The following PPP1R9A variants were observed in gnomAD, a reference collection of about 807,000 sequenced individuals.
The protein encoded by PPP1R9A is protein phosphatase 1 regulatory subunit 9A, also known as neurabin-1.
In PPP1R9A, 59 loss-of-function variants were observed where a neutral mutation model predicts 141.9. That is an observed-to-expected ratio of 0.42 (90% confidence interval 0.34 to 0.52). The LOEUF (loss-of-function observed/expected upper bound fraction) is 0.52. Ranked by LOEUF, PPP1R9A falls within the 20% of genes least tolerant of loss-of-function variation. The pLI is 0.10. For missense variants in PPP1R9A, 1,444 were observed against 1,611.9 expected, an observed-to-expected ratio of 0.90 and a Z score of 1.78; for synonymous variants, 500 against 569.7, an observed-to-expected ratio of 0.88 and a Z score of 1.74.
intron 2 of PPP1R9A, among the ~76,000 whole-genome samples, chr7:94,954,848 T>C (rs940876426): frequency 3.1e-4 from 47 of 150,980 alleles, no homozygotes; most frequent in African/African-American, 9.7e-4. Flanking sequence ...TGTGTGTGTG[T>C]GTGTGTGTGT....
intron 8 of PPP1R9A, among the ~76,000 whole-genome samples, chr7:95,241,987 A>G (rs1797532310): frequency 6.6e-6 from 1 of 152,170 alleles, no homozygotes; most frequent in Admixed American, 6.6e-5. Context: ...ACCCAATGCT[A>G]CATATGCTGC....
chr7:95,223,271 A>T (rs1378366289), intron 7 of PPP1R9A, among the ~76,000 whole-genome samples: 3 of 152,080 alleles, frequency 2.0e-5, no homozygotes, highest in African/African-American at 7.2e-5. Context: ...AAAAGAATCA[A>T]GAAGAACGCT....
At chr7:94,938,693 G>A (rs966646965) in intron 2 of PPP1R9A, among the ~76,000 whole-genome samples, 4 of 152,008 alleles carry the variant, frequency 2.6e-5, no homozygotes, top group African/African-American at 9.7e-5. Context: ...TCTTTCTTGG[G>A]CAAGCCAATT....
intron 2 of PPP1R9A, among the ~76,000 whole-genome samples, chr7:95,001,899 G>A (rs947646290): frequency 2.6e-5 from 4 of 152,166 alleles, no homozygotes; most frequent in African/African-American, 4.8e-5. Context: ...TTCCTGAGAT[G>A]CTTTAATTCA....
At chr7:95,194,182 T>C (rs1471025665) in intron 5 of PPP1R9A, among the ~76,000 whole-genome samples, 2 of 152,078 alleles carry the variant, frequency 1.3e-5, no homozygotes, top group Non-Finnish European at 1.5e-5. Flanking sequence ...GCTTCTGAAT[T>C]GCTTTGTATT....
intron 19 of PPP1R9A, 85 bp from the exon 20 acceptor site, chr7:95,290,006 T>A: frequency 1.3e-6 from 2 of 1,547,448 alleles, no homozygotes; most frequent in Non-Finnish European, 1.7e-6. Context: ...TGAATTAGTT[T>A]ACGAACTTGG....
intron 2 of PPP1R9A, among the ~76,000 whole-genome samples, chr7:95,008,156 G>A (rs1193862805): frequency 1.3e-5 from 2 of 152,002 alleles, no homozygotes; most frequent in African/African-American, 2.4e-5. Context: ...ATGGTTTTAT[G>A]GTAAGAAACA....
chr7:94,911,311 G>A lies in PPP1R9A; in HGVS notation c.1198G>A (p.Asp400Asn), dbSNP rs147217597. ...TGGTTCCCATGTGTACATGCACAGT[G>A]ACTATAATGTGTATAGGGTGAGATC... ...FDGSHVYMHS[D>N]YNVYRVRSRY... Residue 400 changes from aspartate to asparagine, a missense_variant, in exon 2 of 20, where the codon GAC (aspartate) becomes AAC (asparagine). Around this residue, in one of 5 missense-constraint regions of PPP1R9A, gnomAD observed 490 missense variants for 521.1 expected, o/e 0.94. Coordinates refer to ENST00000433360, the MANE Select transcript of PPP1R9A (RefSeq NM_001166160.2). The A allele has an allele frequency of 1.2e-4, 189 of 1,614,128 alleles. No homozygotes were observed. The African/African-American group carries it at 2.3e-3, about 19-fold the overall frequency.
intron 2 of PPP1R9A, among the ~76,000 whole-genome samples, chr7:94,958,326 C>T (rs533696187): frequency 1.3e-5 from 2 of 152,120 alleles, no homozygotes; most frequent in East Asian, 3.9e-4. Flanking sequence ...CAGAGTGTAA[C>T]TTATCATTAC....
intron 2 of PPP1R9A, among the ~76,000 whole-genome samples, chr7:94,926,697 G>A (rs1424161431): frequency 6.6e-6 from 1 of 151,696 alleles, no homozygotes; most frequent in Non-Finnish European, 1.5e-5. Context: ...TGGTTAGAGA[G>A]GAATTACTTT....
chr7:94,912,168 A>C (rs570152775), intron 2 of PPP1R9A, among the ~76,000 whole-genome samples: 2 of 152,354 alleles, frequency 1.3e-5, no homozygotes, highest in South Asian at 4.1e-4. Context: ...AAGAAATAAC[A>C]TTGATTTGCC....
At chr7:95,009,914 G>A (rs1804175098) in intron 2 of PPP1R9A, among the ~76,000 whole-genome samples, 1 of 152,066 alleles carries the variant, frequency 6.6e-6, no homozygotes, top group South Asian at 2.1e-4. Flanking sequence ...TTGAGCAGCA[G>A]CAAATATTTG....
chr7:95,060,257 T>A (rs1192356812), intron 2 of PPP1R9A, among the ~76,000 whole-genome samples: 1 of 152,164 alleles, frequency 6.6e-6, no homozygotes, highest in Non-Finnish European at 1.5e-5. Flanking sequence ...GGCTGACAAG[T>A]AAGTGTCTTG....
At chr7:95,219,431 T>C (rs956190423) in intron 7 of PPP1R9A, among the ~76,000 whole-genome samples, 3 of 152,078 alleles carry the variant, frequency 2.0e-5, no homozygotes, top group East Asian at 1.9e-4. Flanking sequence ...TTTGGTGAAT[T>C]TGACAATTAT....
chr7:95,132,152 T>C (rs1482761847), intron 4 of PPP1R9A, among the ~76,000 whole-genome samples: 1 of 152,176 alleles, frequency 6.6e-6, no homozygotes, highest in African/African-American at 2.4e-5. Flanking sequence ...TTTGACTTCT[T>C]CTTTTCTTAT....
intron 2 of PPP1R9A, among the ~76,000 whole-genome samples, chr7:95,103,362 C>CTTCTTTTTTTTTTT (rs1819049536): frequency 1.1e-5 from 1 of 88,816 alleles, no homozygotes; most frequent in Non-Finnish European, 2.2e-5. Context: ...TTTTTCACTT[C>CTTCTTTTTTTTTTT]TTTTTTTTTT....
At chr7:94,976,546 T>C (rs1799472653) in intron 2 of PPP1R9A, among the ~76,000 whole-genome samples, 1 of 152,138 alleles carries the variant, frequency 6.6e-6, no homozygotes, top group Non-Finnish European at 1.5e-5. Context: ...TTCAGTGTGT[T>C]AGCCAGGATG....
chr7:94,991,712 C>T (rs373508292), intron 2 of PPP1R9A, among the ~76,000 whole-genome samples: 1 of 152,044 alleles, frequency 6.6e-6, no homozygotes, highest in Non-Finnish European at 1.5e-5. Context: ...AGTGCAGTGG[C>T]GTGGTCATGG....
chr7:95,197,424 G>A (rs991657292), intron 5 of PPP1R9A, among the ~76,000 whole-genome samples: 2 of 151,794 alleles, frequency 1.3e-5, no homozygotes, highest in African/African-American at 4.8e-5. Flanking sequence ...TTCTCTTTAG[G>A]CTTTTTTTAT....
Sources: allele counts gnomAD v4.1 joint callset (sites outside exome capture counted in the v4.1 genomes callset), GRCh38; gene constraint gnomAD v4.1.1; regional missense constraint gnomAD v4.1.1; transcripts MANE v1.5; gene names NCBI Gene and HGNC (gene_info 2026-07-23, HGNC 2026-07-21).